VIPR2: variants seen among roughly 807,000 people sequenced by gnomAD.
The protein encoded by VIPR2 is vasoactive intestinal polypeptide receptor 2.
Under a neutral mutation model 58.0 loss-of-function variants are expected in VIPR2, and 48 were observed. That is an observed-to-expected ratio of 0.83 (90% CI 0.66 to 1.05). VIPR2 has a LOEUF of 1.05. VIPR2 is among the 50% of genes least tolerant of loss of function. VIPR2 has a pLI of 0.00. For synonymous variants in VIPR2, 243 were observed against 235.2 expected (o/e 1.03, Z -0.30); for missense variants, 534 against 558.0 (o/e 0.96, Z 0.43).
At chr7:159,063,257 G>A (rs1855825221) in intron 4 of VIPR2, among the ~76,000 whole-genome samples, 2 of 152,150 alleles carry the variant, frequency 1.3e-5, no homozygotes, top group Admixed American at 1.3e-4. Context: ...CGGGCATGGT[G>A]GGCTGCAGGT....
At chr7:159,131,049 A>G (rs1796890615) in intron 2 of VIPR2, among the ~76,000 whole-genome samples, 1 of 152,260 alleles carries the variant, frequency 6.6e-6, no homozygotes, top group South Asian at 2.1e-4. Context: ...GTTCATCTAC[A>G]TGCAGAAACG....
chr7:159,043,108 G>A lies in VIPR2; in HGVS notation c.524C>T (p.Ser175Leu), dbSNP rs1376108096. The A allele has an allele frequency of 6.2e-7, 1 of 1,614,090 alleles. No individual in the cohort carries two copies. Residue 175 changes from serine (S) to leucine (L), a missense_variant, in exon 6 of 13, where the codon TCA (serine) becomes TTA (leucine). Around this residue, in one of 3 missense-constraint regions of VIPR2, gnomAD observed 224 missense variants for 255.7 expected, o/e 0.88. Coordinates refer to ENST00000262178, the MANE Select transcript of VIPR2 (RefSeq NM_003382.5). ...LFLSFILRAI[S>L]VLVKDDVLYS... The stretch of plus-strand genomic sequence containing the variant: ...GAGAACGTCGTCCTTGACCAGCACT[G>A]AGATGGCTCTCAGGATGAAGGACAG...
In VIPR2 at chr7:159,099,071, G is replaced by A. The variant is rs141850181; in HGVS notation, c.357+4686C>T. ...TGTGCTGTTGCTTCGTCTTGGAAGC[G>A]AGTCCCTAAACCAACCAAGTATTCA... On this transcript the variant is annotated intron_variant, in intron 4 of 12. Transcript: ENST00000262178. This position sits in a 1 kb window ranked among gnomAD's most constrained non-coding sequence, Gnocchi z 4.2. 2.9e-3 allele frequency among the ~76,000 whole-genome samples: 443 copies of A among 152,362 alleles called. 4 individuals are homozygous for A. The highest frequency in any genetic ancestry group is 0.01 in the African/African-American group (424 of 41,576).
At chr7:159,100,971 A>G (rs1164888188) in intron 4 of VIPR2, among the ~76,000 whole-genome samples, 175 of 83,280 alleles carry the variant, frequency 2.1e-3, no homozygotes, top group Middle Eastern at 9.6e-3. Context: ...TGTTCCTGTG[A>G]TAGTGAACGG....
intron 5 of VIPR2, among the ~76,000 whole-genome samples, chr7:159,054,060 C>A (rs1265607455): frequency 6.6e-6 from 1 of 152,138 alleles, no homozygotes; most frequent in Non-Finnish European, 1.5e-5. Context: ...AACCGGGACT[C>A]GAGGCCCCCA....
intron 4 of VIPR2, among the ~76,000 whole-genome samples, chr7:159,084,273 G>C (rs1181000798): frequency 6.6e-6 from 1 of 152,242 alleles, no homozygotes; most frequent in East Asian, 1.9e-4. Flanking sequence ...CGAGGTGTGG[G>C]CGGGAGGATG....
chr7:159,068,974 A>G (rs1856243809), intron 4 of VIPR2, among the ~76,000 whole-genome samples: 1 of 152,224 alleles, frequency 6.6e-6, no homozygotes. Flanking sequence ...CAGGAATAAA[A>G]TCTCAGTGGG....
intron 4 of VIPR2, among the ~76,000 whole-genome samples, chr7:159,090,655 C>T (rs1427620117): frequency 3.0e-5 from 4 of 134,058 alleles, no homozygotes; most frequent in Non-Finnish European, 4.7e-5. Flanking sequence ...TCACAATCCC[C>T]AGTGCCCTCA....
intron 5 of VIPR2, among the ~76,000 whole-genome samples, chr7:159,046,654 C>A (rs1004763213): frequency 4.6e-5 from 7 of 152,110 alleles, no homozygotes; most frequent in Non-Finnish European, 8.8e-5. Flanking sequence ...GAATTGTGTA[C>A]CTTAAGATGG....
At chr7:159,135,015 TTTTTTTTTTTTTTTTA>T (rs1021747729) in intron 2 of VIPR2, among the ~76,000 whole-genome samples, 1 of 122,956 alleles carries the variant, frequency 8.1e-6, no homozygotes, top group African/African-American at 3.3e-5. Context: ...TTTTTTTTTT[TTTTTTTTTTTTTTTTA>T]ACATTTTAAG....
intron 2 of VIPR2, among the ~76,000 whole-genome samples, chr7:159,132,831 G>C (rs28626309): frequency 0.056 from 2,182 of 39,126 alleles, 112 homozygotes; most frequent in African/African-American, 0.14. Flanking sequence ...CGATTGATTT[G>C]AGACAGAATG....
Position 159,096,920 on chromosome 7 carries a change from G to C in VIPR2, c.357+6837C>G. The C allele has an allele frequency of 4.5e-6, 7 of 1,550,784 alleles. No homozygotes were observed. The highest frequency in any genetic ancestry group is 6.1e-6 in the Non-Finnish European group (7 of 1,147,100). ...GCTGTCCCCGTTCCCATCACTCGATGAGCCAATGCCCTCGTGGCTGGCATT... is the reference window on the plus strand; with the variant it reads ...GCTGTCCCCGTTCCCATCACTCGATCAGCCAATGCCCTCGTGGCTGGCATT... On this transcript the variant is annotated intron_variant, in intron 4 of 12. Transcript: ENST00000262178. This position sits in a 1 kb window ranked among gnomAD's most constrained non-coding sequence, Gnocchi z 5.5.
At chr7:159,120,807 C>T (rs1275682333) in intron 2 of VIPR2, among the ~76,000 whole-genome samples, 1 of 152,202 alleles carries the variant, frequency 6.6e-6, no homozygotes, top group Non-Finnish European at 1.5e-5. Flanking sequence ...GAGCAGGTGC[C>T]TCTGTCCCTA....
chr7:159,059,352 T>C (rs1367157794), intron 4 of VIPR2: 2 of 471,254 alleles, frequency 4.2e-6, no homozygotes, highest in African/African-American at 4.0e-5. Flanking sequence ...TTGATAAAGC[T>C]AATTCCTATA....
In VIPR2 at chr7:159,144,247, AAAGGAAAC is replaced by A. The variant is rs1447855959; in HGVS notation, c.51+466_51+473del. On this transcript the variant is annotated intron_variant, in intron 1 of 12. Transcript: ENST00000262178. ...CCTTGGGAAAAAGCAACTATTTCCA[AAAGGAAAC>A]TTTATTTAACCGACGCCACGTCCCC... The A allele has an allele frequency of 3.8e-6, 5 of 1,322,560 alleles. No homozygotes were observed. The African/African-American group carries it at 7.7e-5, about 20-fold the overall frequency. 81.9% of individuals were successfully genotyped at this position (1,322,560 alleles called of 1,614,324 possible). A position where few individuals can be genotyped will look rare whatever the true frequency, so the allele number is the denominator to read the frequency against.
rs754991210 is a variant in VIPR2, at chr7:159,103,744, C to G, written c.357+13G>C. On this transcript the variant is annotated intron_variant, in intron 4 of 12. Transcript: ENST00000262178. ...GTGGAACCTCACCACCGTAGCACCA[C>G]GCAGGAGCCTACCTTGCTCTCATCC... is the stretch of plus-strand genomic sequence containing the variant. 9 of 1,610,850 alleles carry G rather than the reference C, an allele frequency of 5.6e-6. No homozygotes were observed. The highest frequency in any genetic ancestry group is 7.6e-6 in the Non-Finnish European group (9 of 1,177,292).
rs998719367 is a variant in VIPR2, at chr7:159,093,717, G to A, written c.357+10040C>T. On this transcript the variant is annotated intron_variant, in intron 4 of 12. Transcript: ENST00000262178. This position sits in a 1 kb window ranked among gnomAD's most constrained non-coding sequence, Gnocchi z 6.7. ...AGATGGGAGACCCCGCAGCGTCCCT[G>A]GGTCCGGACATGGGAGACCCCGCAG... Among the ~76,000 whole-genome samples, 2 of 113,452 alleles carry A rather than the reference G, an allele frequency of 1.8e-5. No homozygotes were observed. Among genetic ancestry groups the A allele is most frequent in the African/African-American group, 5.4e-5 (2 of 36,868 alleles). The allele number at this position is 113,452 out of a possible 152,430, so 74.4% of individuals were successfully genotyped here. A position where few individuals can be genotyped will look rare whatever the true frequency, so the allele number is the denominator to read the frequency against.
At chr7:159,108,850 T>TA (rs1795879075) in intron 3 of VIPR2, among the ~76,000 whole-genome samples, 1 of 152,166 alleles carries the variant, frequency 6.6e-6, no homozygotes, top group Admixed American at 6.5e-5. Flanking sequence ...GAACAGTTCT[T>TA]AAAGTTCAGG....
Position 159,099,208 on chromosome 7 carries a change from A to C in VIPR2, c.357+4549T>G, listed in dbSNP as rs1049712442. ...AAATATTTTGACTTTCTAATCCCTT[A>C]GCAGTGAATATGCACTTATAATATT... On this transcript the variant is annotated intron_variant, in intron 4 of 12. Coordinates refer to ENST00000262178, the MANE Select transcript of VIPR2 (RefSeq NM_003382.5). This position sits in a 1 kb window ranked among gnomAD's most constrained non-coding sequence, Gnocchi z 4.2. Among the ~76,000 whole-genome samples, 14 of 152,268 alleles carry C rather than the reference A, an allele frequency of 9.2e-5. No individual in the cohort carries two copies. Among genetic ancestry groups the C allele is most frequent in the Non-Finnish European group, 1.9e-4 (13 of 68,050 alleles).
Sources: gnomAD v4.1 joint callset for allele counts (sites outside exome capture counted in the v4.1 genomes callset) on GRCh38, gnomAD v4.1.1 for gene constraint, gnomAD v4.1.1 regional missense constraint, Gnocchi (gnomAD v3.1) non-coding constraint, MANE v1.5 for transcripts, NCBI Gene and HGNC (gene_info 2026-07-23, HGNC 2026-07-21) for gene names.